Variants in MITF observed in about 807,000 individuals in gnomAD.
MITF encodes melanocyte inducing transcription factor.
In MITF, 17 loss-of-function variants were observed where a neutral mutation model predicts 60.5. The observed-to-expected ratio is 0.28, with a 90% confidence interval of 0.19 to 0.42. The LOEUF is 0.42. MITF is among the 10% of genes least tolerant of loss of function. The probability of loss-of-function intolerance (pLI) is 1.00; values close to 1 mark genes in which losing one functional copy is unlikely to be tolerated. For synonymous variants in MITF, 260 were observed against 248.5 expected, an observed-to-expected ratio of 1.05 and a Z score of -0.43; for missense variants, 622 against 683.5, an observed-to-expected ratio of 0.91 and a Z score of 1.00.
chr3:69,797,335 C>T (rs111959351), intron 1 of MITF, among the ~76,000 whole-genome samples: 5 of 151,988 alleles, frequency 3.3e-5, no homozygotes, highest in African/African-American at 1.2e-4. Context: ...GAAATTTCTA[C>T]AAATCATATA....
intron 1 of MITF, among the ~76,000 whole-genome samples, chr3:69,820,340 C>T (rs946030800): frequency 1.3e-5 from 2 of 152,056 alleles, no homozygotes; most frequent in African/African-American, 4.8e-5. Flanking sequence ...GGAACTCTGT[C>T]CAAGTTACAC....
At position 69,908,707 on chromosome 3, in the gene MITF, A is replaced by G. The variant is rs542575485; in HGVS notation, c.355-29115A>G. On this transcript the variant is annotated intron_variant, in intron 2 of 9. Transcript: ENST00000352241. ...CCCATAAGAAAATTTGGCAAAATGC[A>G]TCAGAAGCTTCAGTGGTTTTTATAT... Among the ~76,000 whole-genome samples, 25 of 152,326 alleles carry G rather than the reference A, an allele frequency of 1.6e-4. No individual in the cohort carries two copies. The South Asian group carries it at 5.0e-3, about 30-fold the overall frequency.
chr3:69,887,430 A>C (rs1043504316), intron 2 of MITF, among the ~76,000 whole-genome samples: 2 of 152,082 alleles, frequency 1.3e-5, no homozygotes, highest in Non-Finnish European at 2.9e-5. Context: ...CAGTACTAGA[A>C]TATTGGCTCT....
intron 1 of MITF, among the ~76,000 whole-genome samples, chr3:69,756,079 A>C (rs976351635): frequency 1.3e-5 from 2 of 150,878 alleles, no homozygotes; most frequent in African/African-American, 4.9e-5. Context: ...CGCTGAAAAA[A>C]CTCTAACCAC....
At position 69,938,350 on chromosome 3, in the gene MITF, A is replaced by G. The variant is rs1322338121; in HGVS notation, c.582+301A>G. ...TGCTCTCTTCTCTTCCATGCCTTTC[A>G]GTTTATGAAGCAGTGAGAATGCAGA... On this transcript the variant is annotated intron_variant, in intron 3 of 9. Coordinates refer to ENST00000352241, the MANE Select transcript of MITF (RefSeq NM_001354604.2). The G allele has an allele frequency of 3.2e-6, 5 of 1,571,352 alleles. No homozygotes were observed. In the East Asian group the frequency reaches 7.0e-5, roughly 22 times the overall value.
At chr3:69,931,759 G>T (rs1413017833) in intron 2 of MITF, among the ~76,000 whole-genome samples, 1 of 152,114 alleles carries the variant, frequency 6.6e-6, no homozygotes, top group Non-Finnish European at 1.5e-5. Flanking sequence ...TATGCACCTG[G>T]AATACACCCC....
intron 1 of MITF, chr3:69,866,179 G>A: frequency 6.4e-7 from 1 of 1,552,734 alleles, no homozygotes; most frequent in African/African-American, 1.4e-5. Flanking sequence ...TGTTTGGATT[G>A]GAGTTTCCAG....
At chr3:69,845,968 A>G (rs1179329378) in intron 1 of MITF, among the ~76,000 whole-genome samples, 1 of 152,194 alleles carries the variant, frequency 6.6e-6, no homozygotes, top group East Asian at 1.9e-4. Flanking sequence ...CTTTGTGGCA[A>G]GGACTGTTCT....
intron 6 of MITF, among the ~76,000 whole-genome samples, chr3:69,949,432 G>A (rs984391915): frequency 6.6e-6 from 1 of 151,990 alleles, no homozygotes; most frequent in Non-Finnish European, 1.5e-5. Flanking sequence ...CAATCACTGT[G>A]TGTGTGGTGA....
intron 2 of MITF, among the ~76,000 whole-genome samples, chr3:69,900,916 G>A (rs1465504638): frequency 6.6e-6 from 1 of 152,034 alleles, no homozygotes; most frequent in Admixed American, 6.6e-5. Flanking sequence ...GTAATAGCCA[G>A]GGAGGAAAAA....
At chr3:69,887,537 T>C (rs961376053) in intron 2 of MITF, among the ~76,000 whole-genome samples, 2 of 152,110 alleles carry the variant, frequency 1.3e-5, no homozygotes, top group African/African-American at 4.8e-5. Context: ...ATTCAGATCT[T>C]ATTTATAAAT....
intron 1 of MITF, among the ~76,000 whole-genome samples, chr3:69,859,241 G>A (rs1280825581): frequency 6.6e-6 from 1 of 152,098 alleles, no homozygotes. Context: ...TGAAACCACT[G>A]CCCTGGATCC....
At chr3:69,880,826 A>G (rs2107283957) in intron 2 of MITF, among the ~76,000 whole-genome samples, 1 of 152,202 alleles carries the variant, frequency 6.6e-6, no homozygotes, top group East Asian at 1.9e-4. Context: ...TATTTTATTC[A>G]TCATAATAGT....
chr3:69,754,927 G>A (rs568153719), intron 1 of MITF, among the ~76,000 whole-genome samples: 7 of 152,218 alleles, frequency 4.6e-5, no homozygotes, highest in Admixed American at 1.3e-4. Context: ...GTGGGGGTTG[G>A]GGGGAGAGGA....
intron 1 of MITF, among the ~76,000 whole-genome samples, chr3:69,822,187 TAA>T (rs1432697657): frequency 6.6e-6 from 1 of 152,140 alleles, no homozygotes; most frequent in African/African-American, 2.4e-5. Context: ...CCCCTACAAT[TAA>T]GAATGATTTT....
intron 6 of MITF, among the ~76,000 whole-genome samples, chr3:69,949,527 C>G (rs1341980268): frequency 6.6e-6 from 1 of 152,098 alleles, no homozygotes; most frequent in East Asian, 1.9e-4. Flanking sequence ...TTCTAACAAG[C>G]CCCTAGAGGC....
intron 1 of MITF, among the ~76,000 whole-genome samples, chr3:69,872,613 T>A (rs1053516952): frequency 1.3e-5 from 2 of 152,192 alleles, no homozygotes; most frequent in South Asian, 4.1e-4. Context: ...GTATGGATTT[T>A]TGGAGAATAC....
intron 6 of MITF, among the ~76,000 whole-genome samples, chr3:69,950,502 A>G (rs1196557530): frequency 6.7e-6 from 1 of 148,780 alleles, no homozygotes; most frequent in Non-Finnish European, 1.5e-5. Context: ...ACACACACAT[A>G]GATATGCATA....
chr3:69,837,467 G>A (rs988557870), intron 1 of MITF, among the ~76,000 whole-genome samples: 9 of 152,126 alleles, frequency 5.9e-5, no homozygotes, highest in Non-Finnish European at 1.2e-4. Flanking sequence ...ATATATGACC[G>A]AATAAAAGCT....
Sources: gnomAD v4.1 joint callset for allele counts (sites outside exome capture counted in the v4.1 genomes callset) on GRCh38, gnomAD v4.1.1 for gene constraint, MANE v1.5 for transcripts, NCBI Gene and HGNC (gene_info 2026-07-23, HGNC 2026-07-21) for gene names.